Variants in TGM7 observed in about 807,000 individuals in gnomAD.
TGM7 encodes transglutaminase 7.
TGM7 carries 74 observed loss-of-function variants against 79.5 expected under a neutral mutation model. That is an observed-to-expected ratio of 0.93 (90% CI 0.77 to 1.13). The LOEUF is 1.13. Ranked by LOEUF, TGM7 falls within the 50% of genes most tolerant of loss-of-function variation. TGM7 has a pLI of 0.00. For missense variants in TGM7, 912 were observed against 905.9 expected (o/e 1.01, Z -0.09); for synonymous variants, 354 against 362.5 (o/e 0.98, Z 0.27).
At chr15:43,283,783 T>G (rs2042921156) in intron 7 of TGM7, among the ~76,000 whole-genome samples, 1 of 152,216 alleles carries the variant, frequency 6.6e-6, no homozygotes, top group Non-Finnish European at 1.5e-5. Flanking sequence ...CCCTCCTTAC[T>G]GGCATTGATC....
intron 4 of TGM7, among the ~76,000 whole-genome samples, 169 bp from the exon 5 acceptor site, chr15:43,287,838 A>T (rs2042943892): frequency 6.6e-6 from 1 of 152,128 alleles, no homozygotes; most frequent in Non-Finnish European, 1.5e-5. Flanking sequence ...TATAAATCAA[A>T]TTGGGAATGT....
intron 1 of TGM7, among the ~76,000 whole-genome samples, chr15:43,298,480 G>A (rs2043010885): frequency 6.6e-6 from 1 of 152,236 alleles, no homozygotes; most frequent in South Asian, 2.1e-4. Flanking sequence ...AAAACGGCCA[G>A]GCGCGGTGGC....
Position 43,282,545 on chromosome 15 carries a change from C to CAG in TGM7, c.1078_1079dup (p.Asp361TrpfsTer20), listed in dbSNP as rs1365627434. On this transcript the variant is annotated frameshift_variant, in exon 8 of 13. Transcript: ENST00000452443. LOFTEE classifies it high-confidence loss of function. ...TGCTGGTCTGCTGGGGAGTGGGGTC[C>CAG]AGAACCTGCCACCCGTTGTATCCTG... 1.9e-6 allele frequency: 3 copies of CAG among 1,598,048 alleles called. No individual in the cohort carries two copies. The Admixed American group carries it at 5.2e-5, about 28-fold the overall frequency.
intron 11 of TGM7, among the ~76,000 whole-genome samples, 188 bp downstream of exon 11, chr15:43,278,929 A>G: frequency 6.6e-6 from 1 of 152,182 alleles, no homozygotes; most frequent in East Asian, 1.9e-4. Flanking sequence ...GAAAAATAGC[A>G]CGTCCTTTGA....
intron 10 of TGM7, 143 bp downstream of exon 10, chr15:43,279,482 G>A: frequency 8.2e-7 from 1 of 1,221,476 alleles, no homozygotes; most frequent in Non-Finnish European, 1.1e-6. Context: ...CAGAGGTGCA[G>A]CAGCTGGCAG....
chr15:43,295,936 C>A (rs531092867), intron 1 of TGM7, among the ~76,000 whole-genome samples: 2 of 152,272 alleles, frequency 1.3e-5, no homozygotes, highest in African/African-American at 4.8e-5. Context: ...AAGACAGATC[C>A]CTTTTAATCA....
At chr15:43,288,347 C>T (rs544530118) in intron 4 of TGM7, among the ~76,000 whole-genome samples, 1 of 152,274 alleles carries the variant, frequency 6.6e-6, no homozygotes, top group East Asian at 1.9e-4. Context: ...CCCACCTCTT[C>T]CCTTTTGGAG....
At chr15:43,297,514 G>A (rs1407177998) in intron 1 of TGM7, among the ~76,000 whole-genome samples, 2 of 119,532 alleles carry the variant, frequency 1.7e-5, no homozygotes, top group Admixed American at 8.6e-5. Flanking sequence ...AAAGAAGGAA[G>A]GAAGGAAGGA....
At chr15:43,278,637 A>C (rs1408584804) in intron 11 of TGM7, among the ~76,000 whole-genome samples, 1 of 152,188 alleles carries the variant, frequency 6.6e-6, no homozygotes, top group African/African-American at 2.4e-5. Flanking sequence ...ACTTTTAAGT[A>C]GAGGCAAGGT....
Position 43,287,335 on chromosome 15 carries a change from G to A in TGM7, c.810C>T (p.Gly270=), listed in dbSNP as rs758729719. 1.5e-5 allele frequency: 25 copies of A among 1,613,948 alleles called. No homozygotes were observed. The East Asian group carries it at 1.8e-4, about 12-fold the overall frequency. Residue 270 remains glycine, a synonymous_variant, in exon 6 of 13, where the codon GGC becomes GGT. Coordinates refer to ENST00000452443, the MANE Select transcript of TGM7 (RefSeq NM_052955.3). ...VAILQQWSAR[G]GQPVKYGQCW... ...ACTGTCCGTACTTCACAGGCTGCCC[G>A]CCCCTGGCTGACCACTGCTGTAGGA...
In TGM7 at chr15:43,276,307, C is replaced by T. The variant is rs928276407; in HGVS notation, c.*148G>A. Reference sequence around the variant, plus strand: ...AATAAAGACATCTTTATTGTCTCTTCCCAAAGCACACGGTGTTTCTAACAG... The same window carrying T: ...AATAAAGACATCTTTATTGTCTCTTTCCAAAGCACACGGTGTTTCTAACAG... On this transcript the variant is annotated 3_prime_UTR_variant, in exon 13 of 13. Transcript: ENST00000452443. 4.2e-6 allele frequency: 4 copies of T among 951,798 alleles called. No individual in the cohort carries two copies. In the African/African-American group the frequency reaches 4.9e-5, roughly 12 times the overall value. 59.0% of individuals were successfully genotyped at this position (951,798 alleles called of 1,614,324 possible). A position where few individuals can be genotyped will look rare whatever the true frequency, so the allele number is the denominator to read the frequency against.
intron 6 of TGM7, among the ~76,000 whole-genome samples, chr15:43,286,937 C>T (rs1463952150): frequency 1.5e-4 from 23 of 152,112 alleles, no homozygotes; most frequent in Admixed American, 1.5e-3. Context: ...CTTCCACCTG[C>T]CCCCCCATGC....
intron 1 of TGM7, among the ~76,000 whole-genome samples, chr15:43,295,709 C>A (rs1263082107): frequency 1.3e-5 from 2 of 152,200 alleles, no homozygotes; most frequent in Non-Finnish European, 2.9e-5. Context: ...AAAATCAAAT[C>A]CAGTTTTCAT....
intron 1 of TGM7, chr15:43,302,000 C>T (rs542668192): frequency 1.7e-6 from 1 of 574,500 alleles, no homozygotes. Context: ...ATTTCAGCCC[C>T]CCAGGTTTTA....
chr15:43,298,001 G>C (rs2043008380), intron 1 of TGM7, among the ~76,000 whole-genome samples: 1 of 152,212 alleles, frequency 6.6e-6, no homozygotes, highest in Non-Finnish European at 1.5e-5. Flanking sequence ...GCTAATGTTC[G>C]TGGAATACTT....
intron 6 of TGM7, among the ~76,000 whole-genome samples, chr15:43,285,842 A>G (rs1196144418): frequency 9.2e-6 from 1 of 108,686 alleles, no homozygotes; most frequent in Admixed American, 7.8e-5. Flanking sequence ...CCCAACACAT[A>G]CACACAAACA....
chr15:43,285,035 C>T lies in TGM7; in HGVS notation c.866-83G>A. Reference sequence around the variant, plus strand: ...CCATGCATAATTTGTAACTTTCAAGCTGGAGGAGAGAAAGCCAAGACGCTT... The same window carrying T: ...CCATGCATAATTTGTAACTTTCAAGTTGGAGGAGAGAAAGCCAAGACGCTT... On this transcript the variant is annotated intron_variant, in intron 6 of 12. Coordinates refer to ENST00000452443, the MANE Select transcript of TGM7 (RefSeq NM_052955.3). 1.2e-5 allele frequency: 18 copies of T among 1,550,492 alleles called. No individual in the cohort carries two copies. In the South Asian group the frequency reaches 2.0e-4, roughly 17 times the overall value.
At position 43,279,767 on chromosome 15, in the gene TGM7, G is replaced by A. The variant is rs1047956953; in HGVS notation, c.1536C>T (p.Ile512=). ...GGTGGGTGCTGTCTGGCACCCTCTG[G>A]ATACGCAGCAGCAGCTGCAGGTCCT... ...WGQDLQLLLR[I]QRVPDSTHPR... Residue 512 remains isoleucine, a synonymous_variant, in exon 10 of 13, where the codon ATC becomes ATT. Transcript: ENST00000452443. 23 of 1,614,020 alleles carry A rather than the reference G, an allele frequency of 1.4e-5. No individual in the cohort carries two copies. Among genetic ancestry groups the A allele is most frequent in the Non-Finnish European group, 1.9e-5 (23 of 1,180,058 alleles).
At chr15:43,302,204 G>A (rs750328028) in intron 1 of TGM7, 37 bp downstream of exon 1, 1 of 1,613,800 alleles carries the variant, frequency 6.2e-7, no homozygotes. Context: ...TCTTGACTTA[G>A]CACCTCCGAA....
Sources: allele counts gnomAD v4.1 joint callset (sites outside exome capture counted in the v4.1 genomes callset), GRCh38; gene constraint gnomAD v4.1.1; transcripts MANE v1.5; gene names NCBI Gene and HGNC (gene_info 2026-07-23, HGNC 2026-07-21).